The following SLC26A8 variants were observed in gnomAD, a reference collection of about 807,000 sequenced individuals.
SLC26A8 encodes the protein solute carrier family 26 member 8, also known as testis anion transporter 1.
In SLC26A8, 70 loss-of-function variants were observed where a neutral mutation model predicts 105.0. That is an observed-to-expected ratio of 0.67 (90% CI 0.55 to 0.81). The LOEUF (loss-of-function observed/expected upper bound fraction) is 0.81, where lower values mean the gene tolerates loss of function less well. Ranked by LOEUF, SLC26A8 falls within the 40% of genes least tolerant of loss-of-function variation. SLC26A8 has a pLI of 0.00. For synonymous variants in SLC26A8, 415 were observed against 438.3 expected (o/e 0.95, Z 0.66); for missense variants, 998 against 1,181.8 (o/e 0.84, Z 2.28).
intron 3 of SLC26A8, among the ~76,000 whole-genome samples, chr6:36,002,217 C>T (rs1249100736): frequency 2.0e-5 from 3 of 152,106 alleles, no homozygotes; most frequent in Non-Finnish European, 2.9e-5. Flanking sequence ...AGACTGGAAC[C>T]GAACTAAAAA....
At chr6:36,017,277 A>G (rs1762020563) in intron 2 of SLC26A8, among the ~76,000 whole-genome samples, 2 of 152,156 alleles carry the variant, frequency 1.3e-5, no homozygotes, top group Admixed American at 6.5e-5. Context: ...TTTCTTAAAT[A>G]TGGCACCAAA....
intron 8 of SLC26A8, among the ~76,000 whole-genome samples, chr6:35,978,037 G>A (rs1323249120): frequency 6.9e-6 from 1 of 145,758 alleles, no homozygotes; most frequent in African/African-American, 2.6e-5. Flanking sequence ...AGTGAGCAGA[G>A]ATTGTGCCAC....
chr6:35,946,182 C>A (rs192718575), intron 19 of SLC26A8, among the ~76,000 whole-genome samples: 2 of 152,298 alleles, frequency 1.3e-5, no homozygotes, highest in African/African-American at 4.8e-5. Context: ...CATAAATTCA[C>A]TTCCATTCTT....
intron 16 of SLC26A8, 109 bp downstream of exon 16, chr6:35,959,351 T>A: frequency 8.0e-7 from 1 of 1,246,692 alleles, no homozygotes; most frequent in Non-Finnish European, 1.1e-6. Flanking sequence ...TCATGGTCCA[T>A]CTAAAAGTCA....
At chr6:35,963,489 T>C (rs924710189) in intron 11 of SLC26A8, among the ~76,000 whole-genome samples, 2 of 152,350 alleles carry the variant, frequency 1.3e-5, no homozygotes, top group East Asian at 3.9e-4. Context: ...CACTGCATCC[T>C]TTCGCAGTGT....
chr6:35,962,863 G>A (rs536907529), intron 11 of SLC26A8, among the ~76,000 whole-genome samples: 12 of 152,118 alleles, frequency 7.9e-5, no homozygotes, highest in Admixed American at 3.3e-4. Flanking sequence ...GTACTGTGGC[G>A]TGCTATCATA....
chr6:35,998,381 C>T (rs1761419198), intron 4 of SLC26A8, among the ~76,000 whole-genome samples: 1 of 151,874 alleles, frequency 6.6e-6, no homozygotes, highest in Non-Finnish European at 1.5e-5. Context: ...CATGGAGAAA[C>T]CCCGTCTCTA....
At chr6:36,016,106 G>A (rs1304334798) in intron 2 of SLC26A8, among the ~76,000 whole-genome samples, 1 of 151,804 alleles carries the variant, frequency 6.6e-6, no homozygotes, top group Non-Finnish European at 1.5e-5. Flanking sequence ...CGATTCTCCT[G>A]CCTCAGCCTC....
intron 8 of SLC26A8, among the ~76,000 whole-genome samples, chr6:35,979,689 G>T (rs1773193600): frequency 6.6e-6 from 1 of 152,066 alleles, no homozygotes; most frequent in Non-Finnish European, 1.5e-5. Flanking sequence ...TATTAGTAAA[G>T]CTTGAATATT....
At chr6:35,999,477 T>C (rs1738062659) in intron 4 of SLC26A8, among the ~76,000 whole-genome samples, 1 of 152,250 alleles carries the variant, frequency 6.6e-6, no homozygotes, top group African/African-American at 2.4e-5. Flanking sequence ...CTGGCCTCTG[T>C]AATAGTTATT....
chr6:35,959,883 C>T, intron 14 of SLC26A8, 77 bp from the exon 15 acceptor site: 1 of 1,089,932 alleles, frequency 9.2e-7, no homozygotes, highest in Non-Finnish European at 1.4e-6. Context: ...CTTAGAAGCT[C>T]CTAGAGAGTC....
At chr6:35,980,445 T>C (rs1326878378) in intron 8 of SLC26A8, among the ~76,000 whole-genome samples, 2 of 152,206 alleles carry the variant, frequency 1.3e-5, no homozygotes, top group Non-Finnish European at 2.9e-5. Flanking sequence ...TTCCTTAGCG[T>C]AAAAAAGAAG....
At chr6:35,987,938 G>T (rs1394830758) in intron 7 of SLC26A8, among the ~76,000 whole-genome samples, 6 of 136,710 alleles carry the variant, frequency 4.4e-5, no homozygotes, top group Non-Finnish European at 7.7e-5. Context: ...TTTACATGGA[G>T]TCTTGCTCTG....
At chr6:35,968,989 A>G (rs1158888937) in intron 10 of SLC26A8, 35 bp from the exon 11 acceptor site, 3 of 1,593,984 alleles carry the variant, frequency 1.9e-6, no homozygotes, top group South Asian at 1.1e-5. Context: ...AGAAACCATC[A>G]GGAACGTATT....
chr6:36,022,930 T>G (rs1174431909), intron 1 of SLC26A8, among the ~76,000 whole-genome samples: 1 of 150,416 alleles, frequency 6.6e-6, no homozygotes, highest in Non-Finnish European at 1.5e-5. Flanking sequence ...GCCATCAGTC[T>G]GTTTTAAGAA....
At chr6:35,970,248 C>T (rs2127313192) in intron 10 of SLC26A8, among the ~76,000 whole-genome samples, 1 of 152,270 alleles carries the variant, frequency 6.6e-6, no homozygotes. Flanking sequence ...GGGGGGAAAA[C>T]ACACCTTCCC....
chr6:35,994,111 C>CTTTTTTTT (rs759838239), intron 5 of SLC26A8, among the ~76,000 whole-genome samples: 3 of 118,508 alleles, frequency 2.5e-5, no homozygotes, highest in Non-Finnish European at 3.6e-5. Flanking sequence ...CTTTTTTTTT[C>CTTTTTTTT]TTTTCTTTTT....
chr6:35,998,925 G>A (rs973605380), intron 4 of SLC26A8, among the ~76,000 whole-genome samples: 2 of 151,844 alleles, frequency 1.3e-5, no homozygotes, highest in African/African-American at 2.4e-5. Flanking sequence ...ACGGAGTTTC[G>A]CTCTTGTTGC....
At chr6:35,976,424 C>CA (rs570957960) in intron 9 of SLC26A8, among the ~76,000 whole-genome samples, 5,457 of 121,472 alleles carry the variant, frequency 0.045, 111 homozygotes, top group Middle Eastern at 0.093. Context: ...AACTCCGTCT[C>CA]AAAAAAAAAA....
Sources: allele counts gnomAD v4.1 joint callset (sites outside exome capture counted in the v4.1 genomes callset), GRCh38; gene constraint gnomAD v4.1.1; transcripts MANE v1.5; gene names NCBI Gene and HGNC (gene_info 2026-07-23, HGNC 2026-07-21).